DAPK2: variants seen among roughly 807,000 people sequenced by gnomAD.
DAPK2 encodes death-associated protein kinase 2.
Under a neutral mutation model 44.1 loss-of-function variants are expected in DAPK2, and 35 were observed. That is an observed-to-expected ratio of 0.79 (90% confidence interval 0.61 to 1.05). DAPK2 has a LOEUF of 1.05. Among genes scored for constraint, DAPK2 ranks in the 50% least tolerant of loss-of-function variants. The pLI, the probability that DAPK2 is intolerant of heterozygous loss-of-function variation, is 0.00. For missense variants in DAPK2, 453 were observed against 483.2 expected (o/e 0.94, Z 0.59); for synonymous variants, 174 against 182.6 (o/e 0.95, Z 0.38).
At position 63,924,038 on chromosome 15, in the gene DAPK2, G is replaced by A. The variant is rs1194866461; in HGVS notation, c.858+778C>T. On this transcript the variant is annotated intron_variant, in intron 8 of 10. Coordinates refer to ENST00000261891, the Ensembl canonical transcript of DAPK2. ...TCTTATGGTCATTTCATCCTTGCTG[G>A]CCTTCTCACATAACAGTTAAGGTGA... Among the ~76,000 whole-genome samples the A allele has an allele frequency of 2.0e-5, 3 of 152,024 alleles. No individual in the cohort carries two copies. The East Asian group carries it at 5.8e-4, about 29-fold the overall frequency.
rs906376295 is a variant in DAPK2, at chr15:63,961,522, T to C, written c.453+9901A>G. ...TATTTAGTGCTTCCTTCAGGAGCTC[T>C]TGTAAGGCAGGCCTGGTGGTGACAA... On this transcript the variant is annotated intron_variant, in intron 3 of 10. Transcript: ENST00000261891. Among the ~76,000 whole-genome samples the C allele has an allele frequency of 3.9e-5, 6 of 152,354 alleles. No individual in the cohort carries two copies. The South Asian group carries it at 6.2e-4, about 16-fold the overall frequency.
intron 4 of DAPK2, among the ~76,000 whole-genome samples, chr15:63,931,500 TGAA>T (rs1302247045): frequency 6.6e-6 from 1 of 152,132 alleles, no homozygotes; most frequent in Non-Finnish European, 1.5e-5. Context: ...TGGAAAGTGA[TGAA>T]GAAGAAGGCA....
At chr15:64,028,041 T>TCTATCTATCTATCTAC (rs1555483121) in intron 1 of DAPK2, among the ~76,000 whole-genome samples, 1 of 94,342 alleles carries the variant, frequency 1.1e-5, no homozygotes, top group African/African-American at 3.3e-5. Context: ...TATCTATCTA[T>TCTATCTATCTATCTAC]CTATCTATCT....
chr15:63,997,480 G>A (rs1056476341), intron 1 of DAPK2, among the ~76,000 whole-genome samples: 10 of 152,084 alleles, frequency 6.6e-5, no homozygotes, highest in African/African-American at 1.9e-4. Context: ...ACATGTGCCC[G>A]CCACCATGCC....
intron 3 of DAPK2, among the ~76,000 whole-genome samples, chr15:63,970,649 C>T (rs1310712394): frequency 1.3e-5 from 2 of 152,180 alleles, no homozygotes; most frequent in African/African-American, 2.4e-5. Flanking sequence ...TGAAAGACCA[C>T]AGGGATTTCT....
At chr15:63,973,268 G>A (rs2078261051) in intron 2 of DAPK2, among the ~76,000 whole-genome samples, 1 of 152,246 alleles carries the variant, frequency 6.6e-6, no homozygotes, top group South Asian at 2.1e-4. Flanking sequence ...AGATGCCTTA[G>A]AGAGCTGGTG....
intron 1 of DAPK2, among the ~76,000 whole-genome samples, chr15:64,035,784 A>G (rs1296003334): frequency 6.6e-6 from 1 of 152,222 alleles, no homozygotes; most frequent in African/African-American, 2.4e-5. Context: ...GCTGGTGCCA[A>G]AAGTGTGAGC....
At chr15:63,929,673 C>T (rs762194463) in intron 5 of DAPK2, 96 bp from the exon 7 acceptor site, 4 of 1,453,940 alleles carry the variant, frequency 2.8e-6, no homozygotes, top group South Asian at 2.3e-5. Context: ...AGGTCACTTG[C>T]CTCCTCCACA....
In DAPK2 at chr15:63,908,737, C is replaced by T. The variant is rs1199923324; in HGVS notation, c.1033-137G>A. 4 of 620,320 alleles carry T rather than the reference C, an allele frequency of 6.4e-6. No individual in the cohort carries two copies. Among genetic ancestry groups the T allele is most frequent in the Admixed American group, 3.3e-5 (1 of 29,930 alleles). 38.4% of individuals were successfully genotyped at this position (620,320 alleles called of 1,614,324 possible). ...AGGGAGGTGGGTGGTGAAAGCAAGC[C>T]TGCTGATCCATCCAGGGGCTGGGGG... On this transcript the variant is annotated intron_variant, in intron 10 of 10. Coordinates refer to ENST00000261891, the Ensembl canonical transcript of DAPK2. The surrounding 1 kb of genome is among the most constrained non-coding windows in gnomAD (Gnocchi z 5.7).
At chr15:63,931,001 G>T (rs542587881) in intron 4 of DAPK2, among the ~76,000 whole-genome samples, 1 of 152,246 alleles carries the variant, frequency 6.6e-6, no homozygotes, top group Non-Finnish European at 1.5e-5. Flanking sequence ...GAAGGCTGAC[G>T]CTGCAGTGAG....
intron 2 of DAPK2, among the ~76,000 whole-genome samples, chr15:63,975,189 A>G (rs2078310518): frequency 6.6e-6 from 1 of 152,136 alleles, no homozygotes; most frequent in South Asian, 2.1e-4. Context: ...AAAGGGAAAG[A>G]TCTCAGGAAG....
intron 1 of DAPK2, among the ~76,000 whole-genome samples, chr15:64,009,525 C>A (rs2079329108): frequency 6.6e-6 from 1 of 152,046 alleles, no homozygotes; most frequent in African/African-American, 2.4e-5. Context: ...CAGACACACC[C>A]CAACACACTC....
At chr15:64,026,877 A>G (rs2141116853) in intron 1 of DAPK2, among the ~76,000 whole-genome samples, 1 of 152,276 alleles carries the variant, frequency 6.6e-6, no homozygotes, top group East Asian at 1.9e-4. Flanking sequence ...CCTTTTCATC[A>G]CTTACAAAAT....
chr15:63,957,043 T>C (rs1036241868), intron 3 of DAPK2, among the ~76,000 whole-genome samples: 2 of 152,254 alleles, frequency 1.3e-5, no homozygotes, highest in Non-Finnish European at 2.9e-5. Flanking sequence ...TTAAGTCCTA[T>C]GTTTCTTTGT....
At chr15:63,930,266 C>T (rs1415296819) in intron 5 of DAPK2, 141 bp downstream of exon 6, 10 of 863,722 alleles carry the variant, frequency 1.2e-5, no homozygotes, top group South Asian at 3.0e-5. Context: ...TCTAACACAT[C>T]GGGGGAGCAG....
chr15:63,971,511 C>T, exon 3 of DAPK2: 1 of 1,614,220 alleles, frequency 6.2e-7, no homozygotes, highest in Non-Finnish European at 8.5e-7. Flanking sequence ...CTCCTCCTCA[C>T]TCAGTGACTC....
In DAPK2 at chr15:64,003,010, G is replaced by GTGTGTGTGTT. The variant is rs1314879276; in HGVS notation, c.93-19257_93-19256insAACACACACA. 6.8e-4 allele frequency among the ~76,000 whole-genome samples: 95 copies of GTGTGTGTGTT among 140,552 alleles called. 3 individuals carry two copies. Among genetic ancestry groups the GTGTGTGTGTT allele is most frequent in the South Asian group, 2.0e-3 (7 of 3,426 alleles). 92.2% of individuals were successfully genotyped at this position (140,552 alleles called of 152,430 possible). A position where few individuals can be genotyped will look rare whatever the true frequency, so the allele number is the denominator to read the frequency against. On this transcript the variant is annotated intron_variant, in intron 1 of 10. Transcript: ENST00000261891. ...TGTGTGTGTGTGTGTGTGTGTGTGT[G>GTGTGTGTGTT]TGTGTCGTGGGACCAGAGGTGGTGG...
chr15:63,928,877 G>T (rs897593638), intron 6 of DAPK2, among the ~76,000 whole-genome samples: 3 of 152,150 alleles, frequency 2.0e-5, no homozygotes, highest in African/African-American at 7.2e-5. Context: ...ATTGGGGAGG[G>T]CATAAGTAGC....
chr15:63,908,664 G>C lies in DAPK2; in HGVS notation c.1033-64C>G. The C allele has an allele frequency of 7.1e-7, 1 of 1,411,756 alleles. No homozygotes were observed. The highest frequency in any genetic ancestry group is 1.4e-5 in the South Asian group (1 of 73,158). 87.5% of individuals were successfully genotyped at this position (1,411,756 alleles called of 1,614,324 possible). On this transcript the variant is annotated intron_variant, in intron 10 of 10. Coordinates refer to ENST00000261891, the Ensembl canonical transcript of DAPK2. The surrounding 1 kb of genome is among the most constrained non-coding windows in gnomAD (Gnocchi z 5.7). ...ATCATGAGACGCCAGGAATGGGGCT[G>C]TGCTGGGCAACCTGGGTTGATTCAC...
Sources: gnomAD v4.1 joint callset for allele counts (sites outside exome capture counted in the v4.1 genomes callset) on GRCh38, gnomAD v4.1.1 for gene constraint, Gnocchi (gnomAD v3.1) non-coding constraint, MANE v1.5 for transcripts, NCBI Gene and HGNC (gene_info 2026-07-23, HGNC 2026-07-21) for gene names.